The following GPD2 variants were observed in gnomAD, a reference collection of about 807,000 sequenced individuals.
GPD2 encodes the protein glycerol-3-phosphate dehydrogenase, mitochondrial.
In GPD2, 54 loss-of-function variants were observed where a neutral mutation model predicts 82.4. That is an observed-to-expected ratio of 0.66 (90% CI 0.53 to 0.82). GPD2 has a LOEUF of 0.82. Among genes scored for constraint, GPD2 ranks in the 40% least tolerant of loss-of-function variants. GPD2 has a pLI of 0.00. For synonymous variants in GPD2, 288 were observed against 306.1 expected, an observed-to-expected ratio of 0.94 and a Z score of 0.62; for missense variants, 748 against 896.2, an observed-to-expected ratio of 0.83 and a Z score of 2.11.
intron 6 of GPD2, among the ~76,000 whole-genome samples, chr2:156,532,749 A>G (rs929270171): frequency 6.6e-6 from 1 of 152,158 alleles, no homozygotes; most frequent in African/African-American, 2.4e-5. Flanking sequence ...GCTTTATAGG[A>G]ATTTAGAAGG....
chr2:156,575,643 C>T (rs1462521229), intron 13 of GPD2, among the ~76,000 whole-genome samples: 9 of 151,728 alleles, frequency 5.9e-5, no homozygotes, highest in African/African-American at 1.9e-4. Context: ...CGGGCTCATG[C>T]GATCCACCTG....
chr2:156,565,598 T>A (rs954248365), intron 9 of GPD2, among the ~76,000 whole-genome samples: 1 of 152,124 alleles, frequency 6.6e-6, no homozygotes, highest in South Asian at 2.1e-4. Context: ...GGTATTTCAG[T>A]TACAGTGTTT....
At chr2:156,546,919 C>T (rs76888142) in intron 6 of GPD2, among the ~76,000 whole-genome samples, 4 of 4,738 alleles carry the variant, frequency 8.4e-4, no homozygotes, top group African/African-American at 1.0e-3. Context: ...AATTTCAATA[C>T]CTGTTTAACA....
Position 156,579,693 on chromosome 2 carries a change from A to G in GPD2, c.1963A>G (p.Ile655Val), listed in dbSNP as rs780196295. The G allele has an allele frequency of 3.8e-6, 5 of 1,326,746 alleles. No individual in the cohort carries two copies. Among genetic ancestry groups the G allele is most frequent in the Non-Finnish European group, 5.4e-6 (5 of 917,546 alleles). 82.2% of individuals were successfully genotyped at this position (1,326,746 alleles called of 1,614,324 possible). ...TCTATGCTTTTCTTTTACTTAGAGT[A>G]TCAATGTCCAAATGGATGAAAATAC... The part of the protein sequence containing the change: ...IVDVQRVLES[I>V]NVQMDENTLH... Residue 655 changes from isoleucine to valine, a missense_variant, in exon 16 of 17, where the codon ATC (isoleucine) becomes GTC (valine). This residue lies in a region of GPD2 where 692 missense variants were observed against 809.7 expected (regional missense o/e 0.85). Transcript: ENST00000438166.
chr2:156,558,805 AC>A (rs1237864381), intron 9 of GPD2, among the ~76,000 whole-genome samples: 1 of 109,010 alleles, frequency 9.2e-6, no homozygotes, highest in Non-Finnish European at 1.9e-5. Context: ...TTAAGTAGAG[AC>A]AGTGTTTCAC....
intron 11 of GPD2, among the ~76,000 whole-genome samples, 174 bp downstream of exon 11, chr2:156,569,712 C>A (rs187570974): frequency 1.2e-4 from 18 of 152,222 alleles, no homozygotes; most frequent in South Asian, 2.1e-4. Context: ...ACTTGCCCAA[C>A]AAGCAATGTA....
chr2:156,561,665 A>G (rs1687182322), intron 9 of GPD2, among the ~76,000 whole-genome samples: 1 of 152,148 alleles, frequency 6.6e-6, no homozygotes. Flanking sequence ...ATAAAATTTC[A>G]TTTAGATCCT....
At chr2:156,407,831 C>A in the GPD2 span, among the ~76,000 whole-genome samples, 1 of 151,840 alleles carries the variant, frequency 6.6e-6, no homozygotes, top group African/African-American at 2.4e-5. Flanking sequence ...TGCAAAATTA[C>A]TCTCCAAAAA....
chr2:156,426,104 T>C, the GPD2 span, among the ~76,000 whole-genome samples: 3 of 151,996 alleles, frequency 2.0e-5, no homozygotes, highest in Non-Finnish European at 4.4e-5. Context: ...TTTGTATTTT[T>C]AGTAGAGACG....
intron 1 of GPD2, among the ~76,000 whole-genome samples, chr2:156,461,064 T>G (rs930543405): frequency 6.6e-6 from 1 of 152,102 alleles, no homozygotes; most frequent in African/African-American, 2.4e-5. Flanking sequence ...AAGGATAGCA[T>G]CCTATCACTA....
the GPD2 span, among the ~76,000 whole-genome samples, chr2:156,428,898 C>T: frequency 6.6e-6 from 1 of 152,176 alleles, no homozygotes; most frequent in African/African-American, 2.4e-5. Context: ...CAAGGAACAG[C>T]ACCTGTTACC....
chr2:156,552,796 T>C (rs947300428), intron 8 of GPD2, among the ~76,000 whole-genome samples: 10 of 152,052 alleles, frequency 6.6e-5, no homozygotes, highest in African/African-American at 2.4e-4. Flanking sequence ...AGAATTAAAG[T>C]GATACCTTGC....
At chr2:156,551,921 C>T (rs1405989281) in intron 8 of GPD2, among the ~76,000 whole-genome samples, 2 of 152,052 alleles carry the variant, frequency 1.3e-5, no homozygotes, top group African/African-American at 4.8e-5. Context: ...TAATAATTTT[C>T]CATAAAGGGA....
intron 3 of GPD2, among the ~76,000 whole-genome samples, chr2:156,499,729 T>C (rs1684518767): frequency 6.6e-6 from 1 of 151,970 alleles, no homozygotes; most frequent in Non-Finnish European, 1.5e-5. Flanking sequence ...TTCCATTTTA[T>C]TTATTTTCAT....
chr2:156,480,335 G>A (rs1000080077), intron 2 of GPD2, among the ~76,000 whole-genome samples: 2 of 152,170 alleles, frequency 1.3e-5, no homozygotes, highest in Non-Finnish European at 2.9e-5. Flanking sequence ...GAGTGGCCAG[G>A]GAGAATGAAA....
intron 2 of GPD2, among the ~76,000 whole-genome samples, chr2:156,479,305 C>T (rs1446971857): frequency 7.9e-5 from 12 of 152,068 alleles, no homozygotes. Context: ...TGAATCAGAG[C>T]CATTGTAGGT....
intron 6 of GPD2, 75 bp from the exon 7 acceptor site, chr2:156,549,533 G>A: frequency 7.8e-7 from 1 of 1,280,510 alleles, no homozygotes; most frequent in South Asian, 1.2e-5. Flanking sequence ...CATATCTGTT[G>A]TGACACACTT....
chr2:156,566,253 T>C (rs1687385152), intron 9 of GPD2, among the ~76,000 whole-genome samples: 1 of 152,162 alleles, frequency 6.6e-6, no homozygotes, highest in Admixed American at 6.6e-5. Context: ...TTAACCATTT[T>C]TAAGTGTACA....
intron 1 of GPD2, among the ~76,000 whole-genome samples, chr2:156,467,717 T>C (rs1229416401): frequency 6.6e-6 from 1 of 152,210 alleles, no homozygotes; most frequent in Non-Finnish European, 1.5e-5. Flanking sequence ...TAAATCCTTT[T>C]TAAAAGCAAC....
Sources: gnomAD v4.1 joint callset for allele counts (sites outside exome capture counted in the v4.1 genomes callset) on GRCh38, gnomAD v4.1.1 for gene constraint, gnomAD v4.1.1 regional missense constraint, MANE v1.5 for transcripts, NCBI Gene and HGNC (gene_info 2026-07-23, HGNC 2026-07-21) for gene names.